The following OTUD4 variants were observed in gnomAD, a reference collection of about 807,000 sequenced individuals.
OTUD4 encodes the protein OTU deubiquitinase 4.
OTUD4 carries 24 observed loss-of-function variants against 130.4 expected under a neutral mutation model. That is an observed-to-expected ratio of 0.18 (90% CI 0.13 to 0.26). The LOEUF is 0.26. OTUD4 is among the 10% of genes least tolerant of loss of function. The pLI is 1.00. For missense variants in OTUD4, 1,031 were observed against 1,329.4 expected (o/e 0.78, Z 3.49); for synonymous variants, 420 against 472.5 (o/e 0.89, Z 1.44).
chr4:145,176,552 A>G (rs1752436481), intron 1 of OTUD4, among the ~76,000 whole-genome samples: 1 of 151,004 alleles, frequency 6.6e-6, no homozygotes, highest in East Asian at 2.0e-4. Context: ...AAAAAAAATT[A>G]GCCAGGTGTG....
intron 14 of OTUD4, among the ~76,000 whole-genome samples, chr4:145,145,530 C>T (rs1750780073): frequency 6.6e-6 from 1 of 152,040 alleles, no homozygotes; most frequent in Non-Finnish European, 1.5e-5. Context: ...CGTAACAGTC[C>T]ATTATTTATT....
Position 145,152,537 on chromosome 4 carries a change from A to G in OTUD4, c.968+4T>C, listed in dbSNP as rs375168205. On this transcript the variant is annotated splice_donor_region_variant and intron_variant, in intron 11 of 20. Coordinates refer to ENST00000447906, the MANE Select transcript of OTUD4 (RefSeq NM_001366057.1). The stretch of plus-strand genomic sequence containing the variant: ...AAATGCCTTAGCTGAAGAGTAGTAC[A>G]TACTTCTTTCCCAGTTCTTCAACCA... 7.9e-6 allele frequency: 12 copies of G among 1,523,166 alleles called. No individual in the cohort carries two copies. The highest frequency in any genetic ancestry group is 1.1e-5 in the South Asian group (1 of 88,068). 94.4% of individuals were successfully genotyped at this position (1,523,166 alleles called of 1,614,324 possible).
intron 6 of OTUD4, among the ~76,000 whole-genome samples, chr4:145,162,286 G>A (rs1403980607): frequency 6.6e-6 from 1 of 152,140 alleles, no homozygotes; most frequent in Non-Finnish European, 1.5e-5. Flanking sequence ...GGGCACGGTA[G>A]CTCACGCCTG....
chr4:145,166,376 A>C (rs745391565), intron 3 of OTUD4, among the ~76,000 whole-genome samples: 3 of 152,192 alleles, frequency 2.0e-5, no homozygotes, highest in Non-Finnish European at 4.4e-5. Flanking sequence ...TTCAAAATTT[A>C]AAATGTCCCA....
At position 145,179,869 on chromosome 4, in the gene OTUD4, A is replaced by T; in HGVS notation, c.105T>A (p.Tyr35Ter). 1 of 1,523,688 alleles carries T rather than the reference A, an allele frequency of 6.6e-7. No homozygotes were observed. Among genetic ancestry groups the T allele is most frequent in the Non-Finnish European group, 8.8e-7 (1 of 1,141,312 alleles). 94.4% of individuals were successfully genotyped at this position (1,523,688 alleles called of 1,614,324 possible). ...MDAYLRKLGL[Y>*]RKLVAKDGSC... ...ACCCGTCCTTGGCGACCAGTTTCCG[A>T]TACAAGCCCAGTTTCCGCAGATAGG... The change falls in exon 1 of 21, where the codon TAT becomes TAA. Residue 35 changes from tyrosine (Y) to a stop codon, truncating the protein, a stop_gained. Transcript: ENST00000447906. LOFTEE classifies it high-confidence loss of function.
chr4:145,162,037 A>G (rs1361790135), intron 6 of OTUD4, among the ~76,000 whole-genome samples: 1 of 152,118 alleles, frequency 6.6e-6, no homozygotes, highest in South Asian at 2.1e-4. Context: ...TAGTGGCACA[A>G]TAATAGCTCA....
chr4:145,171,624 A>G, intron 3 of OTUD4, 46 bp downstream of exon 3: 1 of 815,812 alleles, frequency 1.2e-6, no homozygotes, highest in Non-Finnish European at 2.1e-6. Context: ...TAAATACATT[A>G]TTTGGATATA....
intron 17 of OTUD4, among the ~76,000 whole-genome samples, chr4:145,142,722 G>A (rs975380396): frequency 2.0e-5 from 3 of 152,166 alleles, no homozygotes; most frequent in Non-Finnish European, 4.4e-5. Flanking sequence ...TACTTTTAAG[G>A]CAAGTGAGCA....
At chr4:145,166,624 G>A (rs890807355) in intron 3 of OTUD4, among the ~76,000 whole-genome samples, 3 of 152,050 alleles carry the variant, frequency 2.0e-5, no homozygotes. Flanking sequence ...GGCAGATCAC[G>A]AGGTTGGGAG....
intron 4 of OTUD4, 32 bp downstream of exon 4, chr4:145,165,119 T>C (rs1490722904): frequency 1.5e-6 from 2 of 1,321,368 alleles, no homozygotes. Flanking sequence ...ACTGGTTTCA[T>C]TTTCTTTTAC....
chr4:145,141,649 A>G lies in OTUD4; in HGVS notation c.1823-10T>C, dbSNP rs751565265. On this transcript the variant is annotated splice_polypyrimidine_tract_variant and intron_variant, in intron 18 of 20. Coordinates refer to ENST00000447906, the MANE Select transcript of OTUD4 (RefSeq NM_001366057.1). Reference sequence around the variant, plus strand: ...ATTGGAGCAGGGACACCTACAAAAGAGAAGAAAAGGAATCAAAATGACAAA... The same window carrying G: ...ATTGGAGCAGGGACACCTACAAAAGGGAAGAAAAGGAATCAAAATGACAAA... The G allele has an allele frequency of 6.6e-6, 10 of 1,512,228 alleles. No homozygotes were observed. Among genetic ancestry groups the G allele is most frequent in the Non-Finnish European group, 5.3e-6 (6 of 1,132,362 alleles). 93.7% of individuals were successfully genotyped at this position (1,512,228 alleles called of 1,614,324 possible). A position where few individuals can be genotyped will look rare whatever the true frequency, so the allele number is the denominator to read the frequency against.
chr4:145,173,796 T>G (rs1453825247), intron 2 of OTUD4, among the ~76,000 whole-genome samples: 1 of 152,210 alleles, frequency 6.6e-6, no homozygotes, highest in East Asian at 1.9e-4. Flanking sequence ...CAGGTCACTG[T>G]GGCATCTTAT....
At position 145,179,901 on chromosome 4, in the gene OTUD4, T is replaced by C. The variant is rs1561005528; in HGVS notation, c.73A>G (p.Met25Val). Residue 25 changes from methionine to valine, a missense_variant, in exon 1 of 21, where the codon ATG becomes GTG. Physicochemically the swap from Met to Val is conservative, Grantham distance 21 (BLOSUM62 1). Transcript: ENST00000447906. ...GAGPREDATP[M>V]DAYLRKLGLY... ...CCCAGTTTCCGCAGATAGGCGTCCA[T>C]GGGCGTCGCGTCCTCGCGGGGCCCC... 2.7e-6 allele frequency: 4 copies of C among 1,496,178 alleles called. No individual in the cohort carries two copies. Among genetic ancestry groups the C allele is most frequent in the Non-Finnish European group, 8.9e-7 (1 of 1,124,860 alleles). 92.7% of individuals were successfully genotyped at this position (1,496,178 alleles called of 1,614,324 possible).
At chr4:145,146,214 A>G (rs1207006844) in intron 14 of OTUD4, 53 bp downstream of exon 14, 7 of 1,233,848 alleles carry the variant, frequency 5.7e-6, no homozygotes, top group African/African-American at 4.7e-5. Flanking sequence ...TCTAAAAACT[A>G]TATTAAGAGA....
At chr4:145,161,068 CCA>C (rs1751537508) in intron 6 of OTUD4, among the ~76,000 whole-genome samples, 1 of 152,060 alleles carries the variant, frequency 6.6e-6, no homozygotes, top group Non-Finnish European at 1.5e-5. Context: ...CAAGATTGTG[CCA>C]CTGCACTCCA....
chr4:145,179,752 C>T (rs984517773), intron 1 of OTUD4, 63 bp downstream of exon 1: 2 of 1,467,574 alleles, frequency 1.4e-6, no homozygotes, highest in South Asian at 1.3e-5. Flanking sequence ...GCTGCCTCCC[C>T]ACCCAGACCC....
In OTUD4 at chr4:145,138,254, A is replaced by G; in HGVS notation, c.2521T>C (p.Ser841Pro). The G allele has an allele frequency of 6.2e-7, 1 of 1,614,020 alleles. No individual in the cohort carries two copies. ...CCTAAGAATGGATTGGGTCCAAAAG[A>G]TGGCTGGGGGAACATATTCTTGCCA... ...LSGKNMFPQP[S>P]FGPNPFLGPV... The change falls in exon 21 of 21, where the codon TCT (serine) becomes CCT (proline). Residue 841 changes from serine to proline, a missense_variant. Ser to Pro is a moderately conservative substitution (Grantham distance 74). Transcript: ENST00000447906.
intron 13 of OTUD4, among the ~76,000 whole-genome samples, chr4:145,148,268 G>A (rs971137170): frequency 3.9e-5 from 6 of 152,322 alleles, no homozygotes; most frequent in African/African-American, 1.2e-4. Flanking sequence ...GCAAGGCAGA[G>A]GTGGGCTAAT....
chr4:145,137,742 A>T lies in OTUD4; in HGVS notation c.3033T>A (p.Ser1011=). 6.2e-7 allele frequency: 1 copy of T among 1,614,126 alleles called. No homozygotes were observed. Among genetic ancestry groups the T allele is most frequent in the Non-Finnish European group, 8.5e-7 (1 of 1,180,022 alleles). Residue 1011 remains serine, a synonymous_variant, in exon 21 of 21, where the codon TCT becomes TCA. Coordinates refer to ENST00000447906, the MANE Select transcript of OTUD4 (RefSeq NM_001366057.1). ...AADVVSPGAN[S]VDSRVQRPKE... ...TTGGTCTTTGCACTCTGCTATCAAC[A>T]GAGTTGGCCCCAGGGCTGACCACAT...
Sources: allele counts gnomAD v4.1 joint callset (sites outside exome capture counted in the v4.1 genomes callset), GRCh38; gene constraint gnomAD v4.1.1; transcripts MANE v1.5; gene names NCBI Gene and HGNC (gene_info 2026-07-23, HGNC 2026-07-21).